KANK1: variants seen among roughly 807,000 people sequenced by gnomAD.
KANK1 encodes KN motif and ankyrin repeat domains 1, also known as KN motif and ankyrin repeat domain-containing protein 1.
Under a neutral mutation model 106.2 loss-of-function variants are expected in KANK1, and 109 were observed. That is an observed-to-expected ratio of 1.03 (90% CI 0.88 to 1.20). The LOEUF is 1.20. KANK1 is among the 50% of genes most tolerant of loss of function. KANK1 has a pLI of 0.00. For missense variants in KANK1, 2,399 were observed against 1,710.7 expected (o/e 1.40, Z -7.10); for synonymous variants, 873 against 652.2 (o/e 1.34, Z -5.16).
chr9:622,631 C>T (rs1473971982), intron 1 of KANK1, among the ~76,000 whole-genome samples: 3 of 152,140 alleles, frequency 2.0e-5, no homozygotes, highest in Admixed American at 6.5e-5. Context: ...AGGCCGGGTG[C>T]AGTGGCTCAT....
chr9:551,882 T>A lies in KANK1; in HGVS notation c.-84+47128T>A, dbSNP rs561891085. On this transcript the variant is annotated intron_variant, in intron 1 of 11. Coordinates refer to ENST00000382297, the MANE Select transcript of KANK1 (RefSeq NM_015158.5). The stretch of plus-strand genomic sequence containing the variant: ...GGGCAACATAGTAAGACCTTGTTTC[T>A]ACAAAAAAAAAAAAAAATCAAAAAT... Among the ~76,000 whole-genome samples the A allele has an allele frequency of 3.9e-3, 557 of 143,476 alleles. 4 individuals carry two copies. The highest frequency in any genetic ancestry group is 0.014 in the African/African-American group (541 of 39,214). 94.1% of individuals were successfully genotyped at this position (143,476 alleles called of 152,430 possible).
At chr9:611,183 C>T (rs576513506) in intron 1 of KANK1, among the ~76,000 whole-genome samples, 2 of 152,170 alleles carry the variant, frequency 1.3e-5, no homozygotes, top group African/African-American at 2.4e-5. Context: ...TGTCAGCCCC[C>T]TGAGTTCCAT....
intron 3 of KANK1, among the ~76,000 whole-genome samples, chr9:721,025 A>G (rs59903306): frequency 0.029 from 4,375 of 152,296 alleles, 170 homozygotes; most frequent in African/African-American, 0.085. Context: ...TCCTGGCAGC[A>G]CAATAGAATC....
At chr9:634,113 T>C (rs1265896399) in intron 1 of KANK1, among the ~76,000 whole-genome samples, 4 of 152,224 alleles carry the variant, frequency 2.6e-5, no homozygotes, top group Non-Finnish European at 5.9e-5. Context: ...GACTGTGATA[T>C]TGCAGTAAAG....
intron 1 of KANK1, chr9:558,932 AAAG>A (rs1815627109): frequency 6.6e-6 from 1 of 152,186 alleles, no homozygotes; most frequent in South Asian, 2.1e-4. Context: ...CTTAATAAAA[AAAG>A]AAAAAAAAAT....
chr9:651,218 G>A (rs1271456694), intron 1 of KANK1, among the ~76,000 whole-genome samples: 1 of 152,164 alleles, frequency 6.6e-6, no homozygotes, highest in Non-Finnish European at 1.5e-5. Context: ...TTTTATTTCT[G>A]TAAGAGCACC....
At chr9:673,308 C>G (rs1021409281) in intron 1 of KANK1, among the ~76,000 whole-genome samples, 1 of 143,266 alleles carries the variant, frequency 7.0e-6, no homozygotes, top group Non-Finnish European at 1.5e-5. Flanking sequence ...CCTCCCTGTT[C>G]AAGTGATTCT....
At chr9:720,279 G>C (rs1373579958) in intron 3 of KANK1, among the ~76,000 whole-genome samples, 1 of 152,214 alleles carries the variant, frequency 6.6e-6, no homozygotes, top group Non-Finnish European at 1.5e-5. Context: ...CACCTGGTGA[G>C]AATTTTGAGC....
rs142816817 is a variant in KANK1 at position 598,394 on chromosome 9, A to G, written c.-83-78496A>G. On this transcript the variant is annotated intron_variant, in intron 1 of 11. Coordinates refer to ENST00000382297, the MANE Select transcript of KANK1 (RefSeq NM_015158.5). ...AAGGATCTGTTTTTTCATTTCTGCA[A>G]AAAGGGCTGTTGGAGTTTTGATAAG... Among the ~76,000 whole-genome samples the G allele has an allele frequency of 5.0e-3, 760 of 151,536 alleles. 33 individuals are homozygous for G. The highest frequency in any genetic ancestry group is 0.017 in the African/African-American group (711 of 41,018).
intron 7 of KANK1, among the ~76,000 whole-genome samples, chr9:736,088 G>C (rs1833727336): frequency 6.6e-6 from 1 of 152,124 alleles, no homozygotes; most frequent in African/African-American, 2.4e-5. Flanking sequence ...CTCCCCAGTA[G>C]CTGGGACTAC....
intron 1 of KANK1, among the ~76,000 whole-genome samples, chr9:560,935 G>A (rs1203587842): frequency 6.6e-6 from 1 of 152,150 alleles, no homozygotes; most frequent in East Asian, 1.9e-4. Flanking sequence ...AAGATTGAAG[G>A]TTTCAGCCAA....
At chr9:648,024 C>G (rs144861511) in intron 1 of KANK1, among the ~76,000 whole-genome samples, 6,091 of 122,040 alleles carry the variant, frequency 0.05, 209 homozygotes, top group Non-Finnish European at 0.059. Context: ...TTTTTTGATA[C>G]AGAGTCTTGC....
In KANK1 at chr9:564,443, A is replaced by G. The variant is rs577185176; in HGVS notation, c.-84+59689A>G. 2.6e-5 allele frequency among the ~76,000 whole-genome samples: 4 copies of G among 152,304 alleles called. No individual in the cohort carries two copies. The East Asian group carries it at 7.7e-4, about 29-fold the overall frequency. ...CTTATACATACAAAACAATCTGAAC[A>G]TGTGTCCTCAACGTAGACACCTAGT... On this transcript the variant is annotated intron_variant, in intron 1 of 11. Coordinates refer to ENST00000382297, the MANE Select transcript of KANK1 (RefSeq NM_015158.5).
chr9:523,040 G>T (rs979337684), intron 1 of KANK1, among the ~76,000 whole-genome samples: 5 of 151,542 alleles, frequency 3.3e-5, no homozygotes, highest in African/African-American at 1.2e-4. Context: ...ACTCATTCTC[G>T]TGGTGACCTC....
intron 1 of KANK1, among the ~76,000 whole-genome samples, chr9:538,609 T>A (rs1051363665): frequency 6.6e-6 from 1 of 152,212 alleles, no homozygotes; most frequent in African/African-American, 2.4e-5. Context: ...CAGGTGGGTT[T>A]CAACAGCGTG....
At chr9:487,958 AGCCTATGTCT>A (rs2058320979) in intron 3 of KANK1, among the ~76,000 whole-genome samples, 1 of 152,174 alleles carries the variant, frequency 6.6e-6, no homozygotes, top group Non-Finnish European at 1.5e-5. Context: ...TCCCTAGGAA[AGCCTATGTCT>A]GCCTTCGGGA....
At chr9:503,646 C>T (rs1182894886), upstream of KANK1, among the ~76,000 whole-genome samples, 1 of 152,114 alleles carries the variant, frequency 6.6e-6, no homozygotes, top group African/African-American at 2.4e-5. Flanking sequence ...GGACTCTCTC[C>T]CTTAAGAAAA....
chr9:522,758 C>G (rs1160344844), intron 1 of KANK1, among the ~76,000 whole-genome samples: 2 of 151,706 alleles, frequency 1.3e-5, no homozygotes, highest in Non-Finnish European at 2.9e-5. Context: ...CTAATGCACT[C>G]CTTAAGCTTA....
At chr9:587,111 T>C (rs1823678314) in intron 1 of KANK1, among the ~76,000 whole-genome samples, 1 of 152,234 alleles carries the variant, frequency 6.6e-6, no homozygotes, top group Non-Finnish European at 1.5e-5. Context: ...AAATATTTAT[T>C]GCAGTAATTT....
Sources: allele counts gnomAD v4.1 joint callset (sites outside exome capture counted in the v4.1 genomes callset), GRCh38; gene constraint gnomAD v4.1.1; transcripts MANE v1.5; gene names NCBI Gene and HGNC (gene_info 2026-07-23, HGNC 2026-07-21).